Variants in NRXN3 observed in about 807,000 individuals in gnomAD.
NRXN3 encodes the protein neurexin 3, also known as neurexin III.
NRXN3 carries 32 observed loss-of-function variants against 137.6 expected under a neutral mutation model. The ratio of observed to expected loss-of-function variants is 0.23; its 90% CI spans 0.18 to 0.31. NRXN3 has a LOEUF of 0.31. Ranked by LOEUF, NRXN3 falls within the 10% of genes least tolerant of loss-of-function variation. The pLI is 1.00. For missense variants in NRXN3, 1,574 were observed against 2,062.5 expected (o/e 0.76, Z 4.59); for synonymous variants, 798 against 784.5 (o/e 1.02, Z -0.29).
chr14:78,385,290 A>AACACACAC (rs34246142), intron 4 of NRXN3, among the ~76,000 whole-genome samples: 1 of 147,378 alleles, frequency 6.8e-6, no homozygotes, highest in Non-Finnish European at 1.5e-5. Flanking sequence ...AACTTTAAGC[A>AACACACAC]ACACACACAC....
chr14:79,202,628 G>C (rs534093407), intron 15 of NRXN3, among the ~76,000 whole-genome samples: 1 of 152,210 alleles, frequency 6.6e-6, no homozygotes, highest in South Asian at 2.1e-4. Flanking sequence ...GAGAACATAC[G>C]ATGTTTGGTT....
intron 10 of NRXN3, among the ~76,000 whole-genome samples, chr14:78,915,562 C>G (rs1168064389): frequency 6.6e-6 from 1 of 151,928 alleles, no homozygotes; most frequent in East Asian, 1.9e-4. Context: ...CCTTAAGAAG[C>G]CCACAGTCAA....
At chr14:78,368,036 A>G (rs2086236933) in intron 4 of NRXN3, among the ~76,000 whole-genome samples, 1 of 152,248 alleles carries the variant, frequency 6.6e-6, no homozygotes, top group Non-Finnish European at 1.5e-5. Context: ...CTATCTATTC[A>G]TTGAAGCCCT....
chr14:79,625,855 G>A lies in NRXN3; in HGVS notation c.3445-37923G>A, dbSNP rs761612596. Among the ~76,000 whole-genome samples, 8 of 152,278 alleles carry A rather than the reference G, an allele frequency of 5.3e-5. No homozygotes were observed. In the South Asian group the frequency reaches 1.0e-3, roughly 20 times the overall value. The stretch of plus-strand genomic sequence containing the variant: ...AGAACTCAGGGTTTGCACCTTTCCA[G>A]CTCTGTAGACTTGGGCCGGCAACTG... On this transcript the variant is annotated intron_variant, in intron 16 of 20. Transcript: ENST00000335750.
intron 19 of NRXN3, among the ~76,000 whole-genome samples, chr14:79,804,003 A>G (rs937403397): frequency 6.7e-6 from 1 of 149,616 alleles, no homozygotes; most frequent in African/African-American, 2.5e-5. Context: ...GTATGTATGT[A>G]TGTATATGTA....
intron 5 of NRXN3, among the ~76,000 whole-genome samples, chr14:78,645,763 T>C (rs2097680953): frequency 6.6e-6 from 1 of 152,224 alleles, no homozygotes; most frequent in African/African-American, 2.4e-5. Context: ...ATTGTTAAAT[T>C]CAATTAGGGA....
At chr14:79,140,483 C>T (rs1315537167) in intron 15 of NRXN3, among the ~76,000 whole-genome samples, 1 of 151,962 alleles carries the variant, frequency 6.6e-6, no homozygotes, top group African/African-American at 2.4e-5. Flanking sequence ...TGTTGGTTCA[C>T]CCCCATTATA....
At chr14:79,366,419 A>T (rs2093894782) in intron 15 of NRXN3, among the ~76,000 whole-genome samples, 1 of 152,110 alleles carries the variant, frequency 6.6e-6, no homozygotes, top group Non-Finnish European at 1.5e-5. Context: ...TCATTCTATC[A>T]ATGTTTTTGC....
chr14:79,384,401 T>G (rs1221763440), intron 15 of NRXN3, among the ~76,000 whole-genome samples: 1 of 152,132 alleles, frequency 6.6e-6, no homozygotes, highest in Non-Finnish European at 1.5e-5. Flanking sequence ...AGAATGAGTT[T>G]TTTTCTTAAT....
At chr14:79,173,319 C>G (rs1417599712) in intron 15 of NRXN3, among the ~76,000 whole-genome samples, 1 of 151,746 alleles carries the variant, frequency 6.6e-6, no homozygotes, top group Non-Finnish European at 1.5e-5. Flanking sequence ...CACTTGAGCC[C>G]AGGAGTTGGA....
At chr14:78,576,739 A>G (rs554921251) in intron 4 of NRXN3, among the ~76,000 whole-genome samples, 1 of 152,212 alleles carries the variant, frequency 6.6e-6, no homozygotes, top group Non-Finnish European at 1.5e-5. Flanking sequence ...TGTCCTACCC[A>G]TAGTTGGAAG....
intron 15 of NRXN3, among the ~76,000 whole-genome samples, chr14:79,369,441 G>T (rs541112502): frequency 6.6e-6 from 1 of 152,226 alleles, no homozygotes; most frequent in African/African-American, 2.4e-5. Flanking sequence ...AATCTTTTAT[G>T]GTGAGTGATC....
At chr14:78,784,823 G>A (rs556790107) in intron 8 of NRXN3, among the ~76,000 whole-genome samples, 44 of 152,234 alleles carry the variant, frequency 2.9e-4, no homozygotes, top group South Asian at 1.2e-3. Flanking sequence ...TGAGCCTTGC[G>A]TGTTCTCAGA....
intron 3 of NRXN3, among the ~76,000 whole-genome samples, chr14:78,284,292 T>G (rs966523705): frequency 6.6e-6 from 1 of 152,198 alleles, no homozygotes; most frequent in East Asian, 1.9e-4. Flanking sequence ...CTCACCTTTC[T>G]GTGACGTGGA....
intron 4 of NRXN3, among the ~76,000 whole-genome samples, chr14:78,327,614 T>C (rs1303173500): frequency 6.6e-6 from 1 of 152,190 alleles, no homozygotes; most frequent in East Asian, 1.9e-4. Context: ...ATTCATTTAT[T>C]CACTCATTCA....
At chr14:78,473,430 T>A (rs530443048) in intron 4 of NRXN3, among the ~76,000 whole-genome samples, 11 of 151,998 alleles carry the variant, frequency 7.2e-5, no homozygotes, top group African/African-American at 2.7e-4. Flanking sequence ...GAAAAACCTT[T>A]CTTTTGTGAA....
chr14:78,808,972 G>A (rs760532904), intron 9 of NRXN3, among the ~76,000 whole-genome samples: 33 of 151,654 alleles, frequency 2.2e-4, no homozygotes, highest in African/African-American at 5.6e-4. Context: ...AAATCATTTC[G>A]CTTCTACCTT....
At chr14:78,727,355 C>G (rs2098490358) in intron 8 of NRXN3, among the ~76,000 whole-genome samples, 1 of 152,158 alleles carries the variant, frequency 6.6e-6, no homozygotes, top group Non-Finnish European at 1.5e-5. Flanking sequence ...GAGATAGTGA[C>G]ACATATGGAC....
chr14:79,069,223 C>A (rs138100261), intron 15 of NRXN3, among the ~76,000 whole-genome samples: 9 of 152,148 alleles, frequency 5.9e-5, no homozygotes, highest in African/African-American at 2.2e-4. Flanking sequence ...TATACCTGAC[C>A]ATCTCTTTTC....
Sources: gnomAD v4.1 joint callset for allele counts (sites outside exome capture counted in the v4.1 genomes callset) on GRCh38, gnomAD v4.1.1 for gene constraint, MANE v1.5 for transcripts, NCBI Gene and HGNC (gene_info 2026-07-23, HGNC 2026-07-21) for gene names.